Variants in SPATS2L observed in about 807,000 individuals in gnomAD.
SPATS2L encodes SPATS2-like protein.
Under a neutral mutation model 59.6 loss-of-function variants are expected in SPATS2L, and 30 were observed. That is an observed-to-expected ratio of 0.50 (90% CI 0.38 to 0.68). The LOEUF is 0.68. SPATS2L is among the 30% of genes least tolerant of loss of function. SPATS2L has a pLI of 0.00. For missense variants in SPATS2L, 615 were observed against 700.0 expected (o/e 0.88, Z 1.37); for synonymous variants, 252 against 263.5 (o/e 0.96, Z 0.42).
At chr2:200,377,770 A>C (rs1022339774) in intron 2 of SPATS2L, among the ~76,000 whole-genome samples, 1 of 152,236 alleles carries the variant, frequency 6.6e-6, no homozygotes, top group Non-Finnish European at 1.5e-5. Context: ...CATTTAATGC[A>C]AAATTAGCTA....
chr2:200,473,083 GAAA>G (rs11402412), intron 12 of SPATS2L, 31 bp downstream of exon 12: 145 of 1,231,572 alleles, frequency 1.2e-4, no homozygotes, highest in South Asian at 1.5e-4. Flanking sequence ...GGTGCCAGAG[GAAA>G]AAAAAAAAAA....
intron 1 of SPATS2L, among the ~76,000 whole-genome samples, chr2:200,313,880 A>G (rs2079274925): frequency 6.6e-6 from 1 of 152,140 alleles, no homozygotes; most frequent in Non-Finnish European, 1.5e-5. Context: ...GCTCCTTAAA[A>G]TGTTGCCCAC....
intron 11 of SPATS2L, among the ~76,000 whole-genome samples, chr2:200,470,508 T>C (rs2086946550): frequency 6.6e-6 from 1 of 152,200 alleles, no homozygotes; most frequent in African/African-American, 2.4e-5. Context: ...CACTCAGCCA[T>C]TAGCTTTAGT....
In SPATS2L at chr2:200,448,885, G is replaced by A. The variant is rs1036560404; in HGVS notation, c.788+8101G>A. Among the ~76,000 whole-genome samples the A allele has an allele frequency of 7.9e-5, 12 of 152,212 alleles. No individual in the cohort carries two copies. In the East Asian group the frequency reaches 1.5e-3, roughly 20 times the overall value. ...CATTTATGCCTCAAGAGAGCCATATGTATGGTTTCCATTGCTGTCTAGCTG... is the reference window on the plus strand; with the variant it reads ...CATTTATGCCTCAAGAGAGCCATATATATGGTTTCCATTGCTGTCTAGCTG... On this transcript the variant is annotated intron_variant, in intron 8 of 12. Transcript: ENST00000409140.
chr2:200,411,590 G>A (rs2082880409), intron 3 of SPATS2L, among the ~76,000 whole-genome samples: 3 of 152,142 alleles, frequency 2.0e-5, no homozygotes, highest in Admixed American at 2.0e-4. Flanking sequence ...GTGAGATAAA[G>A]GTCAATTAAT....
chr2:200,349,743 C>T (rs2080654569), intron 2 of SPATS2L, among the ~76,000 whole-genome samples: 1 of 152,210 alleles, frequency 6.6e-6, no homozygotes, highest in Non-Finnish European at 1.5e-5. Flanking sequence ...CTAACCTTCT[C>T]CTTCTGGTCT....
rs972315404 is a variant in SPATS2L at position 200,449,388 on chromosome 2, T to C, written c.788+8604T>C. 3.3e-5 allele frequency among the ~76,000 whole-genome samples: 5 copies of C among 152,388 alleles called. No homozygotes were observed. In the South Asian group the frequency reaches 8.3e-4, roughly 25 times the overall value. ...ACGTGTGGATTACCTCCATACGTTATGTCAGTCACACACTTGGCACTGGCA... is the reference window on the plus strand; with the variant it reads ...ACGTGTGGATTACCTCCATACGTTACGTCAGTCACACACTTGGCACTGGCA... On this transcript the variant is annotated intron_variant, in intron 8 of 12. Coordinates refer to ENST00000409140, the MANE Select transcript of SPATS2L (RefSeq NM_001100423.2).
intron 2 of SPATS2L, among the ~76,000 whole-genome samples, chr2:200,368,308 T>C (rs2081324879): frequency 6.6e-6 from 1 of 152,204 alleles, no homozygotes; most frequent in Admixed American, 6.5e-5. Context: ...CATTCAGTCA[T>C]ATTGGGCATT....
chr2:200,477,540 C>CAAAAAAAAAAAAAAAA (rs1459631567), intron 12 of SPATS2L, 96 bp from the exon 13 acceptor site: 2 of 451,982 alleles, frequency 4.4e-6, no homozygotes, highest in African/African-American at 7.4e-5. Context: ...AAAAAAAAAG[C>CAAAAAAAAAAAAAAAA]TTACCTGTGG....
chr2:200,325,634 C>G (rs1007954236), intron 1 of SPATS2L, among the ~76,000 whole-genome samples: 1 of 152,146 alleles, frequency 6.6e-6, no homozygotes, highest in Non-Finnish European at 1.5e-5. Context: ...CTGCCTTAGC[C>G]TCCCAAAGTG....
rs554108393 is a variant in SPATS2L at position 200,417,926 on chromosome 2, C to T, written c.199-1324C>T. Among the ~76,000 whole-genome samples the T allele has an allele frequency of 3.9e-5, 6 of 152,302 alleles. No individual in the cohort carries two copies. In the East Asian group the frequency reaches 1.2e-3, roughly 29 times the overall value. On this transcript the variant is annotated intron_variant, in intron 5 of 12. Transcript: ENST00000409140. ...CTGATTGGCCGGGGCTGGTACCATA[C>T]TGCTTGTTGAGTACACTGAGTATCA...
chr2:200,384,385 G>T (rs1437937250), intron 2 of SPATS2L, among the ~76,000 whole-genome samples: 1 of 151,590 alleles, frequency 6.6e-6, no homozygotes, highest in East Asian at 1.9e-4. Context: ...ATGGAGTCTT[G>T]CTCTGTCGCC....
intron 8 of SPATS2L, 91 bp downstream of exon 8, chr2:200,440,875 T>C (rs779782846): frequency 2.8e-6 from 4 of 1,416,072 alleles, no homozygotes; most frequent in African/African-American, 1.4e-5. Flanking sequence ...GTTTATTTAA[T>C]ACATAAACAT....
At chr2:200,306,341 T>G, upstream of SPATS2L, 1 of 1,002,310 alleles carries the variant, frequency 1.0e-6, no homozygotes, top group South Asian at 4.7e-5. Flanking sequence ...TGACAAAATC[T>G]TTCATTAACA....
chr2:200,306,848 G>T lies in SPATS2L; in HGVS notation c.-147G>T. 1 of 980,892 alleles carries T rather than the reference G, an allele frequency of 1.0e-6. No individual in the cohort carries two copies. The highest frequency in any genetic ancestry group is 1.2e-6 in the Non-Finnish European group (1 of 828,166). 60.8% of individuals were successfully genotyped at this position (980,892 alleles called of 1,614,324 possible). On this transcript the variant is annotated 5_prime_UTR_variant, in exon 1 of 13. Transcript: ENST00000409140. ...GAGCCGCAGGGGCCGCCACCGCCGC[G>T]GCGCCTCCCCTGGCGACCGCGCCCC...
chr2:200,458,129 C>T (rs1406691041), intron 8 of SPATS2L, among the ~76,000 whole-genome samples: 1 of 152,168 alleles, frequency 6.6e-6, no homozygotes, highest in Non-Finnish European at 1.5e-5. Context: ...AGCATTCATC[C>T]TACCTTACCT....
At chr2:200,430,705 G>A (rs2083866499) in intron 6 of SPATS2L, among the ~76,000 whole-genome samples, 1 of 147,152 alleles carries the variant, frequency 6.8e-6, no homozygotes, top group Admixed American at 6.8e-5. Context: ...TTGTCCGTGT[G>A]AATTGTTTCC....
chr2:200,318,640 T>C (rs183629805), intron 1 of SPATS2L, among the ~76,000 whole-genome samples: 1 of 152,308 alleles, frequency 6.6e-6, no homozygotes, highest in African/African-American at 2.4e-5. Context: ...CTCTTCTCGA[T>C]TGCATTTAAA....
chr2:200,356,643 A>G (rs1369805577), intron 2 of SPATS2L, among the ~76,000 whole-genome samples: 1 of 152,244 alleles, frequency 6.6e-6, no homozygotes, highest in Non-Finnish European at 1.5e-5. Context: ...CTTATCAACT[A>G]GATTCAATAG....
Sources: gnomAD v4.1 joint callset for allele counts (sites outside exome capture counted in the v4.1 genomes callset) on GRCh38, gnomAD v4.1.1 for gene constraint, MANE v1.5 for transcripts, NCBI Gene and HGNC (gene_info 2026-07-23, HGNC 2026-07-21) for gene names.